SCN9A: variants seen among roughly 807,000 people sequenced by gnomAD.
SCN9A encodes the protein sodium channel protein type 9 subunit alpha.
A neutral mutation model predicts 187.0 loss-of-function variants in SCN9A; 131 were observed. That is an observed-to-expected ratio of 0.70 (90% CI 0.61 to 0.81). The LOEUF (loss-of-function observed/expected upper bound fraction) is 0.81. SCN9A is among the 30% of genes least tolerant of loss of function. The pLI is 0.00. For missense variants in SCN9A, 2,252 were observed against 2,396.6 expected (o/e 0.94, Z 1.26); for synonymous variants, 809 against 808.6 (o/e 1.00, Z -0.01).
intron 18 of SCN9A, among the ~76,000 whole-genome samples, chr2:166,243,162 C>G (rs1011958022): frequency 6.6e-6 from 1 of 152,018 alleles, no homozygotes; most frequent in African/African-American, 2.4e-5. Context: ...ATTAGAAGAT[C>G]CAGATGAAAC....
At chr2:166,296,333 A>G (rs1698301126) in intron 7 of SCN9A, among the ~76,000 whole-genome samples, 1 of 152,254 alleles carries the variant, frequency 6.6e-6, no homozygotes, top group Non-Finnish European at 1.5e-5. Context: ...AATTTGAGAT[A>G]AAACTATTGA....
At chr2:166,255,908 A>C (rs141876185) in intron 17 of SCN9A, among the ~76,000 whole-genome samples, 394 of 151,638 alleles carry the variant, frequency 2.6e-3, no homozygotes, top group African/African-American at 9.0e-3. Flanking sequence ...TCAAGTTACT[A>C]TTATCCATCT....
intron 1 of SCN9A, among the ~76,000 whole-genome samples, chr2:166,327,450 C>A (rs774886139): frequency 3.9e-5 from 6 of 152,172 alleles, no homozygotes; most frequent in Non-Finnish European, 5.9e-5. Flanking sequence ...AACCACTGAG[C>A]CTGGCACAAT....
chr2:166,213,690 T>C lies in SCN9A; in HGVS notation c.4399-9226A>G, dbSNP rs559088313. 7.9e-5 allele frequency among the ~76,000 whole-genome samples: 12 copies of C among 152,252 alleles called. No individual in the cohort carries two copies. The East Asian group carries it at 9.7e-4, about 12-fold the overall frequency. On this transcript the variant is annotated intron_variant, in intron 24 of 26. Transcript: ENST00000642356. The stretch of plus-strand genomic sequence containing the variant: ...TCATATCAAAGCCAGACAAAGACAC[T>C]GTAAGAAAAGAAAATTACAGCTTTT...
At chr2:166,209,482 ATACAC>A (rs1402655568) in intron 24 of SCN9A, among the ~76,000 whole-genome samples, 2 of 152,158 alleles carry the variant, frequency 1.3e-5, no homozygotes, top group African/African-American at 4.8e-5. Flanking sequence ...GAAAGAAACT[ATACAC>A]ACACACACAA....
At chr2:166,202,986 CA>C (rs1297382732) in intron 26 of SCN9A, among the ~76,000 whole-genome samples, 7 of 151,322 alleles carry the variant, frequency 4.6e-5, no homozygotes, top group Non-Finnish European at 1.5e-5. Context: ...ACACTAAAAA[CA>C]GGGATGATAC....
chr2:166,281,796 G>C lies in SCN9A; in HGVS notation c.1987C>G (p.Gln663Glu), dbSNP rs766441372. The part of the protein sequence containing the change: ...ATSDDSGTTN[Q>E]IHKKRRCSSY... ...CTACAACGCCTTTTCTTGTGTATTTGATTGGTCGTGCCCTAAAAAAAAAAT... is the reference window on the plus strand; with the variant it reads ...CTACAACGCCTTTTCTTGTGTATTTCATTGGTCGTGCCCTAAAAAAAAAAT... Residue 663 changes from glutamine (Q) to glutamate (E), a missense_variant, in exon 13 of 27, where the codon CAA (glutamine) becomes GAA (glutamate). Transcript: ENST00000642356. 6.2e-7 allele frequency: 1 copy of C among 1,611,100 alleles called. No individual in the cohort carries two copies. Among genetic ancestry groups the C allele is most frequent in the Non-Finnish European group, 8.5e-7 (1 of 1,178,734 alleles).
At chr2:166,227,869 G>GT in intron 22 of SCN9A, 146 bp from the exon 23 acceptor site, 2 of 609,548 alleles carry the variant, frequency 3.3e-6, no homozygotes, top group Non-Finnish European at 5.9e-6. Context: ...TTAATGTAAA[G>GT]ATTTTTTTAA....
chr2:166,226,468 T>A (rs7595255), intron 24 of SCN9A, 99 bp downstream of exon 24: 1 of 789,076 alleles, frequency 1.3e-6, no homozygotes. Context: ...TCTAATAAAA[T>A]TAATCATGAA....
chr2:166,288,163 AC>A (rs1697872580), intron 10 of SCN9A, among the ~76,000 whole-genome samples: 3 of 107,782 alleles, frequency 2.8e-5, no homozygotes, highest in Non-Finnish European at 5.3e-5. Flanking sequence ...ATATAGACAT[AC>A]ACACACACAC....
At chr2:166,292,736 A>G (rs1271027091) in intron 9 of SCN9A, among the ~76,000 whole-genome samples, 1 of 152,156 alleles carries the variant, frequency 6.6e-6, no homozygotes, top group Non-Finnish European at 1.5e-5. Context: ...ATATAAATGG[A>G]AGAAAATACA....
rs114811473 is a variant in SCN9A at position 166,358,369 on chromosome 2, C to T, written c.-51+17328G>A. Among the ~76,000 whole-genome samples, 636 of 151,996 alleles carry T rather than the reference C, an allele frequency of 4.2e-3. 2 individuals are homozygous for T. Among genetic ancestry groups the T allele is most frequent in the African/African-American group, 0.013 (560 of 41,488 alleles). On this transcript the variant is annotated intron_variant, in intron 1 of 26. Transcript: ENST00000642356. ...ACAAACATGAGCCACCACACCCGGCCGAAAACTTCTTAATTCTTATCATTT... is the reference window on the plus strand; with the variant it reads ...ACAAACATGAGCCACCACACCCGGCTGAAAACTTCTTAATTCTTATCATTT...
chr2:166,334,258 A>C (rs1048703550), intron 1 of SCN9A, among the ~76,000 whole-genome samples: 4 of 152,146 alleles, frequency 2.6e-5, no homozygotes, highest in Non-Finnish European at 4.4e-5. Context: ...ATTCTTCATT[A>C]GTAGAGTCTG....
intron 17 of SCN9A, among the ~76,000 whole-genome samples, chr2:166,257,774 A>G (rs1696342254): frequency 6.6e-6 from 1 of 151,530 alleles, no homozygotes. Flanking sequence ...TGTTTTATCT[A>G]TACCTATATA....
rs1478398393 is a variant in SCN9A at position 166,272,334 on chromosome 2, T to C, written c.3351+65A>G. On this transcript the variant is annotated intron_variant, in intron 17 of 26. Transcript: ENST00000642356. ...AGAAGAACTTATGACAATAGAAATA[T>C]GAAATTTTCATTCATTTCATACTAA... 5.6e-6 allele frequency: 6 copies of C among 1,071,070 alleles called. No individual in the cohort carries two copies. In the African/African-American group the frequency reaches 9.6e-5, roughly 17 times the overall value. The allele number at this position is 1,071,070 out of a possible 1,614,324, so 66.3% of individuals were successfully genotyped here.
chr2:166,321,753 T>C (rs116748713), intron 1 of SCN9A, among the ~76,000 whole-genome samples: 2,136 of 151,814 alleles, frequency 0.014, 47 homozygotes, highest in African/African-American at 0.049. Context: ...ATCATTCATG[T>C]CACTTATATC....
At chr2:166,292,753 C>G in intron 9 of SCN9A, among the ~76,000 whole-genome samples, 1 of 152,104 alleles carries the variant, frequency 6.6e-6, no homozygotes, top group East Asian at 1.9e-4. Context: ...TACAAAAAAT[C>G]ATGGAAGTCT....
chr2:166,303,968 G>GT (rs989617532), intron 6 of SCN9A: 135 of 1,458,906 alleles, frequency 9.3e-5, no homozygotes, highest in East Asian at 1.2e-4. Flanking sequence ...ATAAAGAAAG[G>GT]TTTTTTTTAT....
chr2:166,271,078 A>C (rs529348625), intron 17 of SCN9A, among the ~76,000 whole-genome samples: 6 of 152,028 alleles, frequency 3.9e-5, no homozygotes, highest in Non-Finnish European at 8.8e-5. Context: ...GGCACAAAAA[A>C]AGGTTTTAAA....
Sources: allele counts gnomAD v4.1 joint callset (sites outside exome capture counted in the v4.1 genomes callset), GRCh38; gene constraint gnomAD v4.1.1; transcripts MANE v1.5; gene names NCBI Gene and HGNC (gene_info 2026-07-23, HGNC 2026-07-21).